Variants in NDST4 observed in about 807,000 individuals in gnomAD.
NDST4 encodes the protein N-heparan sulfate sulfotransferase 4.
In NDST4, 63 loss-of-function variants were observed where a neutral mutation model predicts 100.8. The ratio of observed to expected loss-of-function variants is 0.62; its 90% CI spans 0.51 to 0.77. NDST4 has a LOEUF of 0.77. Ranked by LOEUF, NDST4 falls within the 30% of genes least tolerant of loss-of-function variation. The pLI is 0.00. For missense variants in NDST4, 943 were observed against 1,018.4 expected, an observed-to-expected ratio of 0.93 and a Z score of 1.01; for synonymous variants, 377 against 361.8, an observed-to-expected ratio of 1.04 and a Z score of -0.48.
chr4:115,076,194 C>T lies in NDST4; in HGVS notation c.843G>A (p.Lys281=), dbSNP rs1729177966. Residue 281 remains lysine, a synonymous_variant, in exon 2 of 14, where the codon AAG becomes AAA. Coordinates refer to ENST00000264363, the MANE Select transcript of NDST4 (RefSeq NM_022569.3). ...FGNNLNFWLH[K]LIFIDAISFL... is the part of the protein sequence containing the mutation. The stretch of plus-strand genomic sequence containing the variant: ...AGGAGATGGCATCTATGAAGATGAG[C>T]TTGTGCAGCCAAAAGTTCAAGTTGT... The T allele has an allele frequency of 1.2e-6, 2 of 1,613,946 alleles. No individual in the cohort carries two copies. The highest frequency in any genetic ancestry group is 1.7e-6 in the Non-Finnish European group (2 of 1,179,954).
rs113975512 is a variant in NDST4 at position 114,877,063 on chromosome 4, A to AACACACAC, written c.1537-6121_1537-6114dup. Among the ~76,000 whole-genome samples, 529 of 145,824 alleles carry AACACACAC rather than the reference A, an allele frequency of 3.6e-3. 5 individuals are homozygous for AACACACAC. Among genetic ancestry groups the AACACACAC allele is most frequent in the African/African-American group, 0.013 (508 of 39,878 alleles). On this transcript the variant is annotated intron_variant, in intron 6 of 13. Coordinates refer to ENST00000264363, the MANE Select transcript of NDST4 (RefSeq NM_022569.3). ...AGTAGTTCCTATATTAAGTGTTATTAACACACACACACACACACACACACG... is the reference window on the plus strand; with the variant it reads ...AGTAGTTCCTATATTAAGTGTTATTAACACACACACACACACACACACACACACACACG...
chr4:115,113,193 T>C (rs1450652430), intron 1 of NDST4, among the ~76,000 whole-genome samples: 1 of 151,986 alleles, frequency 6.6e-6, no homozygotes, highest in Non-Finnish European at 1.5e-5. Flanking sequence ...TTTTATCAAG[T>C]TGTATCTCTT....
chr4:115,068,749 G>A (rs1170206023), intron 2 of NDST4, among the ~76,000 whole-genome samples: 1 of 149,984 alleles, frequency 6.7e-6, no homozygotes, highest in Non-Finnish European at 1.5e-5. Flanking sequence ...CCCGGAGGTG[G>A]AGCTTGCAGT....
intron 2 of NDST4, among the ~76,000 whole-genome samples, chr4:115,075,499 C>A (rs1011483684): frequency 6.6e-6 from 1 of 151,986 alleles, no homozygotes; most frequent in African/African-American, 2.4e-5. Flanking sequence ...TAAGAAGAGG[C>A]AAGGAGGCCG....
At chr4:114,905,382 C>A (rs1724926907) in intron 6 of NDST4, among the ~76,000 whole-genome samples, 1 of 151,732 alleles carries the variant, frequency 6.6e-6, no homozygotes. Context: ...AAGCTACACA[C>A]AGAGAGGACA....
Position 114,986,793 on chromosome 4 carries a change from C to CATATATATATATAT in NDST4, c.979-9533_979-9520dup, listed in dbSNP as rs59806494. Among the ~76,000 whole-genome samples the CATATATATATATAT allele has an allele frequency of 1.4e-3, 124 of 91,080 alleles. 1 individual carries two copies. The highest frequency in any genetic ancestry group is 5.0e-3 in the South Asian group (8 of 1,598). The allele number at this position is 91,080 out of a possible 152,430, so 59.8% of individuals were successfully genotyped here. On this transcript the variant is annotated intron_variant, in intron 2 of 13. Transcript: ENST00000264363. ...CCTCTAAGCCTGGTATCCAATTATACATATATATATATATATATATATATA... is the reference window on the plus strand; with the variant it reads ...CCTCTAAGCCTGGTATCCAATTATACATATATATATATATATATATATATATATATATATATATA...
intron 7 of NDST4, among the ~76,000 whole-genome samples, chr4:114,860,178 C>T (rs1294647280): frequency 6.6e-6 from 1 of 152,162 alleles, no homozygotes; most frequent in African/African-American, 2.4e-5. Context: ...AGCCAGTAAA[C>T]AACATTCCTT....
At chr4:115,109,843 G>A (rs1301655102) in intron 1 of NDST4, among the ~76,000 whole-genome samples, 1 of 151,706 alleles carries the variant, frequency 6.6e-6, no homozygotes, top group Admixed American at 6.6e-5. Context: ...CTATTTCATG[G>A]CATGAATTTT....
rs370775369 is a variant in NDST4, at chr4:115,076,427, T to C, written c.610A>G (p.Ile204Val). Residue 204 changes from isoleucine (I) to valine (V), a missense_variant, in exon 2 of 14, where the codon ATT becomes GTT. This residue lies in a region of NDST4 where 417 missense variants were observed against 384.2 expected (regional missense o/e 1.09). Transcript: ENST00000264363. ...FVNPQSPLLH[I>V]TKAPKVEKGP... is the part of the protein sequence containing the mutation. ...TTCTCAACCTTGGGGGCTTTGGTAA[T>C]ATGCAGCAAAGGAGATTGAGGGTTA... 4 of 1,613,860 alleles carry C rather than the reference T, an allele frequency of 2.5e-6. No individual in the cohort carries two copies. The highest frequency in any genetic ancestry group is 2.2e-5 in the South Asian group (2 of 91,082).
At chr4:115,025,068 C>A (rs1027625244) in intron 2 of NDST4, among the ~76,000 whole-genome samples, 1 of 118,794 alleles carries the variant, frequency 8.4e-6, no homozygotes, top group Non-Finnish European at 1.8e-5. Context: ...CTTCCTACAA[C>A]CACAAGCCAA....
At chr4:115,084,939 C>A (rs1729379033) in intron 1 of NDST4, among the ~76,000 whole-genome samples, 1 of 152,074 alleles carries the variant, frequency 6.6e-6, no homozygotes, top group South Asian at 2.1e-4. Context: ...TCCCCTAGAC[C>A]CCAGAATGGT....
chr4:115,068,601 G>A (rs931721184), intron 2 of NDST4, among the ~76,000 whole-genome samples: 1 of 148,806 alleles, frequency 6.7e-6, no homozygotes, highest in Non-Finnish European at 1.5e-5. Flanking sequence ...GAGATCAGGA[G>A]ATCGAGACCA....
chr4:114,943,462 A>G (rs1000069203), intron 4 of NDST4, among the ~76,000 whole-genome samples: 2 of 151,940 alleles, frequency 1.3e-5, no homozygotes, highest in African/African-American at 2.4e-5. Flanking sequence ...TCTTGGGTAC[A>G]CTCTCTGATT....
chr4:114,968,809 C>T (rs1726440390), intron 4 of NDST4, among the ~76,000 whole-genome samples: 1 of 152,098 alleles, frequency 6.6e-6, no homozygotes, highest in Non-Finnish European at 1.5e-5. Context: ...CCAGAATTGG[C>T]TTAAAGGTCA....
intron 2 of NDST4, among the ~76,000 whole-genome samples, chr4:115,023,701 A>C (rs142277109): frequency 6.6e-4 from 101 of 152,230 alleles, no homozygotes; most frequent in African/African-American, 2.0e-3. Context: ...TGTGTTAAGG[A>C]GAAGAAACAA....
At chr4:114,990,811 C>G (rs1382068560) in intron 2 of NDST4, among the ~76,000 whole-genome samples, 1 of 152,000 alleles carries the variant, frequency 6.6e-6, no homozygotes, top group Admixed American at 6.6e-5. Flanking sequence ...AAACTTTATG[C>G]CCCAGACATC....
At chr4:115,090,437 A>T (rs2126294563) in intron 1 of NDST4, among the ~76,000 whole-genome samples, 1 of 152,112 alleles carries the variant, frequency 6.6e-6, no homozygotes, top group African/African-American at 2.4e-5. Flanking sequence ...GTGAAAAAGG[A>T]TCTAATTAAA....
At chr4:114,837,715 A>G (rs1176635239) in intron 11 of NDST4, among the ~76,000 whole-genome samples, 4 of 152,264 alleles carry the variant, frequency 2.6e-5, no homozygotes, top group Non-Finnish European at 5.9e-5. Flanking sequence ...ACCTAAAACC[A>G]TGAAAATCCT....
intron 4 of NDST4, among the ~76,000 whole-genome samples, chr4:114,965,982 G>A (rs114100822): frequency 3.3e-5 from 5 of 151,786 alleles, no homozygotes; most frequent in Middle Eastern, 3.4e-3. Flanking sequence ...ATTTATTGAC[G>A]TACTCAAGCA....
Sources: gnomAD v4.1 joint callset for allele counts (sites outside exome capture counted in the v4.1 genomes callset) on GRCh38, gnomAD v4.1.1 for gene constraint, gnomAD v4.1.1 regional missense constraint, MANE v1.5 for transcripts, NCBI Gene and HGNC (gene_info 2026-07-23, HGNC 2026-07-21) for gene names.